COL16A1: variants seen among roughly 807,000 people sequenced by gnomAD.
COL16A1 encodes the protein collagen type XVI alpha 1 chain.
Under a neutral mutation model 266.3 loss-of-function variants are expected in COL16A1, and 189 were observed. The ratio of observed to expected loss-of-function variants is 0.71; its 90% CI spans 0.63 to 0.80. The LOEUF is 0.80. Among genes scored for constraint, COL16A1 ranks in the 30% least tolerant of loss-of-function variants. The probability of loss-of-function intolerance (pLI) is 0.00; values close to 1 mark genes in which losing one functional copy is unlikely to be tolerated. For synonymous variants in COL16A1, 740 were observed against 782.3 expected, an observed-to-expected ratio of 0.95 and a Z score of 0.90; for missense variants, 1,928 against 2,122.4, an observed-to-expected ratio of 0.91 and a Z score of 1.80.
At position 31,699,823 on chromosome 1, in the gene COL16A1, G is replaced by C. The variant is rs758063188; in HGVS notation, c.256C>G (p.Gln86Glu). Residue 86 changes from glutamine (Q) to glutamate (E), a missense_variant, in exon 4 of 71, where the codon CAG (glutamine) becomes GAG (glutamate). Gln to Glu is a conservative substitution (Grantham distance 29). Coordinates refer to ENST00000373672, the MANE Select transcript of COL16A1 (RefSeq NM_001856.4). Reference protein sequence around the residue: ...ILRLGAAPVTQPTRRVFPRGL... With the variant: ...ILRLGAAPVTEPTRRVFPRGL... Reference sequence around the variant, plus strand: ...CATGGATGCATTTACCGCGTGGGCTGGGTCACGGGGGCCGCCCCCAGGCGC... The same window carrying C: ...CATGGATGCATTTACCGCGTGGGCTCGGTCACGGGGGCCGCCCCCAGGCGC... 2.0e-5 allele frequency: 32 copies of C among 1,606,132 alleles called. No homozygotes were observed. The highest frequency in any genetic ancestry group is 2.6e-5 in the Non-Finnish European group (30 of 1,173,178).
intron 1 of COL16A1, among the ~76,000 whole-genome samples, chr1:31,702,792 G>A (rs2148842482): frequency 6.6e-6 from 1 of 152,288 alleles, no homozygotes; most frequent in South Asian, 2.1e-4. Context: ...GGGCTGTGTG[G>A]GGGCCAAGGA....
At chr1:31,684,688 C>T in intron 30 of COL16A1, 58 bp from the exon 31 acceptor site, 2 of 1,607,258 alleles carry the variant, frequency 1.2e-6, no homozygotes, top group Non-Finnish European at 1.7e-6. Context: ...CAGGTTGCCC[C>T]CCTGGGACTC....
In COL16A1 at chr1:31,665,566, G is replaced by A. The variant is rs191751095; in HGVS notation, c.3492+17C>T. 3 of 1,614,166 alleles carry A rather than the reference G, an allele frequency of 1.9e-6. No homozygotes were observed. The highest frequency in any genetic ancestry group is 4.5e-5 in the East Asian group (2 of 44,860). On this transcript the variant is annotated intron_variant, in intron 55 of 70. Coordinates refer to ENST00000373672, the MANE Select transcript of COL16A1 (RefSeq NM_001856.4). ...GACCACATCAGACAGAGCTGGCTTT[G>A]TGTCTTCTTCACTCACCGGTGGGCC...
intron 39 of COL16A1, among the ~76,000 whole-genome samples, chr1:31,680,369 T>C (rs1643542015): frequency 6.6e-6 from 1 of 152,210 alleles, no homozygotes; most frequent in South Asian, 2.1e-4. Flanking sequence ...GCATGGTGAT[T>C]ATTCAGCAAA....
At chr1:31,701,291 C>T (rs188259809) in intron 2 of COL16A1, 1 of 984,724 alleles carries the variant, frequency 1.0e-6, no homozygotes, top group Admixed American at 6.1e-5. Context: ...CCCCATCCCC[C>T]CCAGGGGACC....
rs950965935 is a variant in COL16A1, at chr1:31,670,899, C to T, written c.3151-253G>A. 6.6e-5 allele frequency among the ~76,000 whole-genome samples: 10 copies of T among 152,296 alleles called. No homozygotes were observed. The highest frequency in any genetic ancestry group is 1.9e-4 in the East Asian group (1 of 5,182). ...GAGTCAGAGGGCTTCCTGAGTCTTC[C>T]GGAGTCTAACTGAAGATCCGGTTGC... is the stretch of plus-strand genomic sequence containing the variant. On this transcript the variant is annotated intron_variant, in intron 48 of 70. Coordinates refer to ENST00000373672, the MANE Select transcript of COL16A1 (RefSeq NM_001856.4). The surrounding 1 kb of genome is among the most constrained non-coding windows in gnomAD (Gnocchi z 4.5).
At chr1:31,679,390 T>C in intron 42 of COL16A1, 1 of 1,518,682 alleles carries the variant, frequency 6.6e-7, no homozygotes, top group South Asian at 1.3e-5. Context: ...ACCCAGATTG[T>C]GGGTGCCTGA....
At chr1:31,687,088 C>T (rs1644013911) in intron 26 of COL16A1, among the ~76,000 whole-genome samples, 1 of 152,166 alleles carries the variant, frequency 6.6e-6, no homozygotes, top group Admixed American at 6.5e-5. Context: ...CCACATTAAA[C>T]TACCGGGTGA....
intron 62 of COL16A1, among the ~76,000 whole-genome samples, chr1:31,659,465 C>T (rs950876339): frequency 6.6e-6 from 1 of 152,280 alleles, no homozygotes; most frequent in African/African-American, 2.4e-5. Context: ...CTGGAGCGCA[C>T]GGGACTCCAA....
At chr1:31,658,349 C>A in intron 64 of COL16A1, 139 bp downstream of exon 64, 2 of 763,968 alleles carry the variant, frequency 2.6e-6, no homozygotes, top group South Asian at 1.6e-5. Context: ...ATCCTCAGGC[C>A]CGAACGCCAC....
chr1:31,699,900 A>G lies in COL16A1; in HGVS notation c.179T>C (p.Met60Thr), dbSNP rs749969503. Residue 60 changes from methionine (M) to threonine (T), a missense_variant, in exon 4 of 71, where the codon ATG becomes ACG. This residue lies in a region of COL16A1 where 1,552 missense variants were observed against 1,637.2 expected (regional missense o/e 0.95). Transcript: ENST00000373672. ...GATCTTCTTGATGGCAGACGTCTTC[A>G]TGAGGCTGAGTCGGTGGATGAGGTT... is the stretch of plus-strand genomic sequence containing the variant. ...GFNLIHRLSL[M>T]KTSAIKKIRN... 1.9e-6 allele frequency: 3 copies of G among 1,613,914 alleles called. No individual in the cohort carries two copies. The South Asian group carries it at 3.3e-5, about 18-fold the overall frequency.
rs375772077 is a variant in COL16A1 at position 31,688,854 on chromosome 1, C to T, written c.1767+7G>A. 6.8e-6 allele frequency: 11 copies of T among 1,611,544 alleles called. No individual in the cohort carries two copies. The highest frequency in any genetic ancestry group is 9.3e-6 in the Non-Finnish European group (11 of 1,178,684). On this transcript the variant is annotated splice_region_variant and intron_variant, in intron 25 of 70. Transcript: ENST00000373672. The surrounding 1 kb of genome is among the most constrained non-coding windows in gnomAD (Gnocchi z 4.9). Reference sequence around the variant, plus strand: ...CTGGGCTGGGCTGGGAGAAAGTCGTCACTCACCGGAAGGCCAGGCAGACCA... The same window carrying T: ...CTGGGCTGGGCTGGGAGAAAGTCGTTACTCACCGGAAGGCCAGGCAGACCA...
intron 54 of COL16A1, 108 bp from the exon 55 acceptor site, chr1:31,665,726 C>A: frequency 6.3e-7 from 1 of 1,590,198 alleles, no homozygotes; most frequent in Non-Finnish European, 8.6e-7. Context: ...ATGGGCTTTG[C>A]CCTCCCCTCT....
Position 31,670,754 on chromosome 1 carries a change from G to T in COL16A1, c.3151-108C>A. The T allele has an allele frequency of 1.1e-6, 1 of 879,500 alleles. No homozygotes were observed. Among genetic ancestry groups the T allele is most frequent in the Non-Finnish European group, 1.6e-6 (1 of 631,366 alleles). 54.5% of individuals were successfully genotyped at this position (879,500 alleles called of 1,614,324 possible). A position where few individuals can be genotyped will look rare whatever the true frequency, so the allele number is the denominator to read the frequency against. ...GTCATGGGGAGAGGAGGTCATGGGAGTATTTTCAAGGCAGCTGGAAAAGAG... is the reference window on the plus strand; with the variant it reads ...GTCATGGGGAGAGGAGGTCATGGGATTATTTTCAAGGCAGCTGGAAAAGAG... On this transcript the variant is annotated intron_variant, in intron 48 of 70. Transcript: ENST00000373672. This position sits in a 1 kb window ranked among gnomAD's most constrained non-coding sequence, Gnocchi z 4.5.
chr1:31,689,451 C>A (rs920366450), intron 23 of COL16A1: 2 of 562,992 alleles, frequency 3.6e-6, no homozygotes, highest in Admixed American at 3.1e-5. Context: ...TAGGACACAG[C>A]CTCACTCACA....
intron 58 of COL16A1, 27 bp downstream of exon 58, chr1:31,662,307 G>GCCCC: frequency 6.3e-7 from 1 of 1,598,008 alleles, no homozygotes; most frequent in Non-Finnish European, 8.5e-7. Context: ...AGGAAGGGGT[G>GCCCC]CCCGCCCTCC....
At chr1:31,681,988 C>T (rs923901253) in intron 37 of COL16A1, among the ~76,000 whole-genome samples, 3 of 149,442 alleles carry the variant, frequency 2.0e-5, no homozygotes, top group Non-Finnish European at 4.4e-5. Context: ...TCCAGGGATC[C>T]GCAAAGACAG....
Position 31,688,572 on chromosome 1 carries a change from G to C in COL16A1, c.1768-70C>G. 3.1e-6 allele frequency: 5 copies of C among 1,591,518 alleles called. No homozygotes were observed. The highest frequency in any genetic ancestry group is 2.6e-6 in the Non-Finnish European group (3 of 1,159,560). On this transcript the variant is annotated intron_variant, in intron 25 of 70. Coordinates refer to ENST00000373672, the MANE Select transcript of COL16A1 (RefSeq NM_001856.4). The surrounding 1 kb of genome is among the most constrained non-coding windows in gnomAD (Gnocchi z 4.9). ...CCTCTCCAAGGCTCCCCGGGTCCCA[G>C]TGTCCAACCAGAAACAGAACGGTAA...
intron 37 of COL16A1, among the ~76,000 whole-genome samples, chr1:31,681,622 G>A (rs1643648112): frequency 6.6e-6 from 1 of 152,264 alleles, no homozygotes; most frequent in African/African-American, 2.4e-5. Context: ...CTGCTGGATG[G>A]AATTCAGCAT....
Sources: allele counts gnomAD v4.1 joint callset (sites outside exome capture counted in the v4.1 genomes callset), GRCh38; gene constraint gnomAD v4.1.1; regional missense constraint gnomAD v4.1.1; non-coding constraint Gnocchi (gnomAD v3.1); transcripts MANE v1.5; gene names NCBI Gene and HGNC (gene_info 2026-07-23, HGNC 2026-07-21).